The following SLC24A2 variants were observed in gnomAD, a reference collection of about 807,000 sequenced individuals.
SLC24A2 encodes the protein solute carrier family 24 member 2.
Under a neutral mutation model 62.0 loss-of-function variants are expected in SLC24A2, and 36 were observed. The ratio of observed to expected loss-of-function variants is 0.58; its 90% CI spans 0.44 to 0.77. The LOEUF (loss-of-function observed/expected upper bound fraction) is 0.77, where lower values mean the gene tolerates loss of function less well. SLC24A2 is among the 30% of genes least tolerant of loss of function. The probability of loss-of-function intolerance (pLI) is 0.00; values close to 1 mark genes in which losing one functional copy is unlikely to be tolerated. For missense variants in SLC24A2, 846 were observed against 817.9 expected, an observed-to-expected ratio of 1.03 and a Z score of -0.42; for synonymous variants, 358 against 294.0, an observed-to-expected ratio of 1.22 and a Z score of -2.23.
the SLC24A2 span, among the ~76,000 whole-genome samples, chr9:20,061,822 A>C: frequency 4.6e-5 from 7 of 152,194 alleles, no homozygotes; most frequent in African/African-American, 1.7e-4. Context: ...ATTAAAAAAA[A>C]AATACCTGGT....
intron 2 of SLC24A2, among the ~76,000 whole-genome samples, chr9:19,679,669 G>A (rs1387131436): frequency 6.6e-6 from 1 of 152,128 alleles, no homozygotes; most frequent in Non-Finnish European, 1.5e-5. Flanking sequence ...TGAGACATTT[G>A]TCTTCTCCTG....
chr9:20,089,825 A>G, the SLC24A2 span, among the ~76,000 whole-genome samples: 2 of 152,096 alleles, frequency 1.3e-5, no homozygotes, highest in Admixed American at 1.3e-4. Context: ...ACACCACAGC[A>G]CAGAGAGGAG....
At chr9:19,612,532 C>T (rs574098941) in intron 4 of SLC24A2, among the ~76,000 whole-genome samples, 1 of 152,258 alleles carries the variant, frequency 6.6e-6, no homozygotes, top group Non-Finnish European at 1.5e-5. Context: ...TATTATTACT[C>T]TCTTTCTACA....
At chr9:20,180,256 T>A in the SLC24A2 span, among the ~76,000 whole-genome samples, 1 of 152,184 alleles carries the variant, frequency 6.6e-6, no homozygotes, top group Non-Finnish European at 1.5e-5. Flanking sequence ...TAACACCTGA[T>A]TCAAGACTTG....
chr9:19,598,772 TCATAAATATAAAACA>T (rs1483348988), intron 4 of SLC24A2, among the ~76,000 whole-genome samples: 1 of 152,166 alleles, frequency 6.6e-6, no homozygotes, highest in African/African-American at 2.4e-5. Context: ...CTAAATACCT[TCATAAATATAAAACA>T]CATAAATATA....
intron 8 of SLC24A2, among the ~76,000 whole-genome samples, chr9:19,541,898 T>G (rs936234284): frequency 1.2e-4 from 18 of 152,256 alleles, no homozygotes; most frequent in African/African-American, 3.9e-4. Context: ...GTGTGGGATA[T>G]AGTCTCCTGG....
the SLC24A2 span, among the ~76,000 whole-genome samples, chr9:20,096,096 C>T: frequency 4.2e-4 from 57 of 137,226 alleles, no homozygotes; most frequent in African/African-American, 1.3e-3. Flanking sequence ...TCCGTCCGTC[C>T]GTCCGTCCGT....
At chr9:19,657,588 G>T (rs1306972966) in intron 2 of SLC24A2, among the ~76,000 whole-genome samples, 1 of 150,494 alleles carries the variant, frequency 6.6e-6, no homozygotes, top group African/African-American at 2.4e-5. Context: ...TACTTGTTTT[G>T]ACTTTGCTTA....
chr9:19,517,547 T>G (rs905376817), intron 10 of SLC24A2, among the ~76,000 whole-genome samples: 7 of 152,158 alleles, frequency 4.6e-5, no homozygotes, highest in African/African-American at 1.7e-4. Context: ...ATTCCAGGCC[T>G]GGTACATGCA....
the SLC24A2 span, among the ~76,000 whole-genome samples, chr9:20,118,910 G>A: frequency 6.6e-6 from 1 of 152,096 alleles, no homozygotes; most frequent in South Asian, 2.1e-4. Flanking sequence ...CAAAGGTGGT[G>A]AGATGTCACT....
chr9:20,042,466 GAAGT>G, the SLC24A2 span, among the ~76,000 whole-genome samples: 2 of 152,192 alleles, frequency 1.3e-5, no homozygotes, highest in Non-Finnish European at 2.9e-5. Flanking sequence ...TAAGATTTCT[GAAGT>G]AAGAATGAAA....
chr9:19,908,841 G>A, the SLC24A2 span, among the ~76,000 whole-genome samples: 2 of 152,146 alleles, frequency 1.3e-5, no homozygotes, highest in African/African-American at 2.4e-5. Context: ...AACAGGTGCT[G>A]GAGAGGCTGT....
chr9:20,296,547 A>T, the SLC24A2 span, among the ~76,000 whole-genome samples: 1 of 152,272 alleles, frequency 6.6e-6, no homozygotes, highest in South Asian at 2.1e-4. Flanking sequence ...ATGAAGATGT[A>T]AAGAATTTAT....
At chr9:20,018,876 C>A in the SLC24A2 span, among the ~76,000 whole-genome samples, 1 of 152,000 alleles carries the variant, frequency 6.6e-6, no homozygotes, top group African/African-American at 2.4e-5. Context: ...CAAGCCTGGG[C>A]AACATGGCGA....
chr9:20,152,563 C>A, the SLC24A2 span, among the ~76,000 whole-genome samples: 2 of 151,836 alleles, frequency 1.3e-5, no homozygotes, highest in African/African-American at 4.8e-5. Flanking sequence ...GAGTGCTAAC[C>A]TTCTTGCCTC....
At chr9:19,861,298 G>C in the SLC24A2 span, among the ~76,000 whole-genome samples, 2 of 152,206 alleles carry the variant, frequency 1.3e-5, no homozygotes, top group Admixed American at 6.5e-5. Context: ...TCTCTGTCTG[G>C]TAATTCAAAG....
At chr9:19,521,856 C>CT (rs201095871) in intron 9 of SLC24A2, among the ~76,000 whole-genome samples, 1,481 of 133,858 alleles carry the variant, frequency 0.011, 25 homozygotes, top group African/African-American at 0.041. Flanking sequence ...GTGGCTATTA[C>CT]TTTTTTTCTT....
In SLC24A2 at chr9:19,544,406, ATT is replaced by A. The variant is rs968654488; in HGVS notation, c.1479+5729_1479+5730del. 4.6e-5 allele frequency among the ~76,000 whole-genome samples: 7 copies of A among 152,128 alleles called. No individual in the cohort carries two copies. In the South Asian group the frequency reaches 6.2e-4, roughly 14 times the overall value. ...CCAATTTGCCAGTCTGTGTCTTTTA[ATT>A]AGGGAATTTATCACATTTACATTTA... On this transcript the variant is annotated intron_variant, in intron 8 of 10. Coordinates refer to ENST00000341998, the MANE Select transcript of SLC24A2 (RefSeq NM_020344.4).
chr9:20,063,923 T>A, the SLC24A2 span, among the ~76,000 whole-genome samples: 15 of 152,284 alleles, frequency 9.9e-5, no homozygotes, highest in Admixed American at 7.9e-4. Context: ...AGCTTAGCAG[T>A]TTCTTAAAAA....
Sources: allele counts gnomAD v4.1 joint callset (sites outside exome capture counted in the v4.1 genomes callset), GRCh38; gene constraint gnomAD v4.1.1; transcripts MANE v1.5; gene names NCBI Gene and HGNC (gene_info 2026-07-23, HGNC 2026-07-21).